The following CR1 variants were observed in gnomAD, a reference collection of about 807,000 sequenced individuals.
CR1 encodes the protein complement C3b/C4b receptor 1 (Knops blood group), also known as complement receptor type 1.
Under a neutral mutation model 187.3 loss-of-function variants are expected in CR1, and 116 were observed. The observed-to-expected ratio is 0.62, with a 90% confidence interval of 0.53 to 0.72. The LOEUF (loss-of-function observed/expected upper bound fraction) is 0.72. CR1 is among the 30% of genes least tolerant of loss of function. The pLI, the probability that CR1 is intolerant of heterozygous loss-of-function variation, is 0.00. For synonymous variants in CR1, 576 were observed against 747.1 expected, an observed-to-expected ratio of 0.77 and a Z score of 3.73; for missense variants, 1,731 against 2,110.7, an observed-to-expected ratio of 0.82 and a Z score of 3.52.
At chr1:207,511,387 T>C (rs1220449812) in intron 3 of CR1, among the ~76,000 whole-genome samples, 182 bp from the exon 4 acceptor site, 1 of 152,196 alleles carries the variant, frequency 6.6e-6, no homozygotes, top group Admixed American at 6.5e-5. Flanking sequence ...TGAGAATGTA[T>C]GAAAAAGAAA....
intron 1 of CR1, among the ~76,000 whole-genome samples, chr1:207,502,733 G>A (rs1463653721): frequency 1.3e-5 from 2 of 152,308 alleles, no homozygotes; most frequent in East Asian, 3.9e-4. Context: ...GAGCTTTCTT[G>A]GAGCATCATC....
chr1:207,512,621 G>C (rs900046325), intron 4 of CR1, among the ~76,000 whole-genome samples: 2 of 152,074 alleles, frequency 1.3e-5, no homozygotes, highest in Admixed American at 6.6e-5. Flanking sequence ...GAAAGTTTAA[G>C]AGCTTCAGAA....
At chr1:207,563,467 T>G (rs1660392859) in intron 21 of CR1, among the ~76,000 whole-genome samples, 1 of 4,002 alleles carries the variant, frequency 2.5e-4, no homozygotes, top group African/African-American at 1.4e-3. Flanking sequence ...ACTCCTTTAT[T>G]GCTTAAAATG....
At chr1:207,631,972 C>T (rs2102415872) in intron 46 of CR1, among the ~76,000 whole-genome samples, 1 of 152,260 alleles carries the variant, frequency 6.6e-6, no homozygotes, top group South Asian at 2.1e-4. Context: ...CTAAATTCAA[C>T]AGAGGACAGT....
chr1:207,499,326 A>T (rs866810571), intron 1 of CR1, among the ~76,000 whole-genome samples: 22 of 152,248 alleles, frequency 1.4e-4, no homozygotes, highest in African/African-American at 5.3e-4. Context: ...TCCCATATGT[A>T]TGCACCTGAT....
chr1:207,525,995 G>T (rs932638394), intron 5 of CR1, among the ~76,000 whole-genome samples: 24 of 152,072 alleles, frequency 1.6e-4, no homozygotes, highest in African/African-American at 4.6e-4. Flanking sequence ...ATGTAATTTA[G>T]TTGAGATCCA....
rs117745867 is a variant in CR1, at chr1:207,580,757, G to T, written c.5216+144G>T. 5,731 of 794,868 alleles carry T rather than the reference G, an allele frequency of 7.2e-3. 184 individuals carry two copies. The highest frequency in any genetic ancestry group is 0.057 in the Admixed American group (2,311 of 40,580). 49.2% of individuals were successfully genotyped at this position (794,868 alleles called of 1,614,324 possible). A position where few individuals can be genotyped will look rare whatever the true frequency, so the allele number is the denominator to read the frequency against. On this transcript the variant is annotated intron_variant, in intron 31 of 46. Transcript: ENST00000367049. The stretch of plus-strand genomic sequence containing the variant: ...CTGGAAGTGTAGCTTTAAAATAAAG[G>T]TAGGGACTAAGTGGCACTACTATCA...
chr1:207,626,378 C>T (rs926692040), intron 45 of CR1, among the ~76,000 whole-genome samples: 6 of 152,156 alleles, frequency 3.9e-5, no homozygotes, highest in Non-Finnish European at 7.4e-5. Context: ...GTCATACCTC[C>T]TTGAGTGGGT....
chr1:207,567,687 C>T (rs1660546885), intron 24 of CR1, 137 bp from the exon 25 acceptor site: 1 of 1,247,978 alleles, frequency 8.0e-7, no homozygotes. Context: ...CTCATTTAAT[C>T]CAACTCTTCA....
chr1:207,580,830 G>C (rs963201494), intron 31 of CR1, among the ~76,000 whole-genome samples: 13 of 152,124 alleles, frequency 8.5e-5, no homozygotes, highest in Non-Finnish European at 1.8e-4. Context: ...TGAGTGTCAA[G>C]TACAAACAGA....
At chr1:207,577,752 G>A in intron 28 of CR1, 53 bp from the exon 29 acceptor site, 2 of 1,604,280 alleles carry the variant, frequency 1.2e-6, no homozygotes, top group Admixed American at 1.7e-5. Context: ...CTGGGTGACA[G>A]CAAGACTCTG....
At chr1:207,522,815 T>C (rs552722781) in intron 4 of CR1, among the ~76,000 whole-genome samples, 15 of 152,214 alleles carry the variant, frequency 9.9e-5, no homozygotes, top group Non-Finnish European at 2.2e-4. Flanking sequence ...CAGTTTTAAT[T>C]TCAAGTGTTT....
chr1:207,616,897 A>G, intron 41 of CR1, 95 bp downstream of exon 41: 1 of 1,519,454 alleles, frequency 6.6e-7, no homozygotes, highest in Non-Finnish European at 8.9e-7. Flanking sequence ...GCTTGTGAAA[A>G]TGGCTTTGCT....
At chr1:207,585,777 C>T (rs1661095583) in intron 33 of CR1, among the ~76,000 whole-genome samples, 1 of 152,142 alleles carries the variant, frequency 6.6e-6, no homozygotes, top group Non-Finnish European at 1.5e-5. Flanking sequence ...CCAGTGCAGG[C>T]TTAATGAACA....
intron 33 of CR1, among the ~76,000 whole-genome samples, chr1:207,586,289 C>T (rs1372447978): frequency 2.0e-5 from 3 of 152,226 alleles, no homozygotes; most frequent in African/African-American, 7.2e-5. Flanking sequence ...AGGTGCATGC[C>T]ACCACACCCA....
intron 35 of CR1, among the ~76,000 whole-genome samples, chr1:207,601,666 T>C (rs1246327247): frequency 6.6e-6 from 1 of 152,220 alleles, no homozygotes; most frequent in African/African-American, 2.4e-5. Context: ...TAATGACTAA[T>C]GATGTGGAGC....
Position 207,496,596 on chromosome 1 carries a change from T to A in CR1, c.121+208T>A, listed in dbSNP as rs1345798135. 5.9e-5 allele frequency among the ~76,000 whole-genome samples: 9 copies of A among 152,282 alleles called. No homozygotes were observed. The East Asian group carries it at 1.7e-3, about 29-fold the overall frequency. On this transcript the variant is annotated intron_variant, in intron 1 of 46. Transcript: ENST00000367049. Reference sequence around the variant, plus strand: ...GACCCTCGCTGCTTCTGGGTAAGCGTGGAGTTCCCAGGTGCAGGGGCTTAA... The same window carrying A: ...GACCCTCGCTGCTTCTGGGTAAGCGAGGAGTTCCCAGGTGCAGGGGCTTAA...
At chr1:207,624,016 C>T (rs1662406234) in intron 45 of CR1, among the ~76,000 whole-genome samples, 1 of 145,148 alleles carries the variant, frequency 6.9e-6, no homozygotes, top group South Asian at 2.2e-4. Flanking sequence ...ACCTCTGCCT[C>T]CCAGATTCAA....
chr1:207,631,569 T>G (rs1314715299), intron 46 of CR1, among the ~76,000 whole-genome samples: 2 of 152,196 alleles, frequency 1.3e-5, no homozygotes, highest in African/African-American at 2.4e-5. Flanking sequence ...TCCATCCTCT[T>G]CCCAGGCCTC....
Sources: allele counts gnomAD v4.1 joint callset (sites outside exome capture counted in the v4.1 genomes callset), GRCh38; gene constraint gnomAD v4.1.1; transcripts MANE v1.5; gene names NCBI Gene and HGNC (gene_info 2026-07-23, HGNC 2026-07-21).